The following MYBL2 variants were observed in gnomAD, a reference collection of about 807,000 sequenced individuals.
MYBL2 encodes MYB proto-oncogene like 2.
In MYBL2, 28 loss-of-function variants were observed where a neutral mutation model predicts 79.9. That is an observed-to-expected ratio of 0.35 (90% CI 0.26 to 0.48). The LOEUF (loss-of-function observed/expected upper bound fraction) is 0.48. Ranked by LOEUF, MYBL2 falls within the 20% of genes least tolerant of loss-of-function variation. The pLI is 0.99. For missense variants in MYBL2, 735 were observed against 893.9 expected, an observed-to-expected ratio of 0.82 and a Z score of 2.27; for synonymous variants, 378 against 361.2, an observed-to-expected ratio of 1.05 and a Z score of -0.53.
At chr20:43,675,136 C>T (rs1011662782) in intron 2 of MYBL2, among the ~76,000 whole-genome samples, 3 of 151,794 alleles carry the variant, frequency 2.0e-5, no homozygotes, top group Non-Finnish European at 2.9e-5. Context: ...TGCGCCACCA[C>T]GCCTGGCTAA....
chr20:43,710,179 A>G (rs1235975322), intron 10 of MYBL2, 117 bp downstream of exon 10: 3 of 778,534 alleles, frequency 3.9e-6, no homozygotes, highest in Non-Finnish European at 5.9e-6. Flanking sequence ...CTTTCTCCTG[A>G]GAAGATGCAG....
At chr20:43,671,808 G>A (rs1028660425) in intron 1 of MYBL2, among the ~76,000 whole-genome samples, 10 of 151,672 alleles carry the variant, frequency 6.6e-5, no homozygotes, top group African/African-American at 1.2e-4. Context: ...GGATAAATAC[G>A]AGGATTTTTT....
rs1235975351 is a variant in MYBL2 at position 43,674,237 on chromosome 20, T to G, written c.114+338T>G. On this transcript the variant is annotated intron_variant, in intron 2 of 13. Coordinates refer to ENST00000217026, the MANE Select transcript of MYBL2 (RefSeq NM_002466.4). ...CAAATCTGTAACTCCCCCCACCCTT[T>G]TTTTTTTTTTTTTTTTGAGACAGAG... Among the ~76,000 whole-genome samples, 145 of 123,316 alleles carry G rather than the reference T, an allele frequency of 1.2e-3. 2 individuals are homozygous for G. Among genetic ancestry groups the G allele is most frequent in the African/African-American group, 4.0e-3 (136 of 34,180 alleles). The allele number at this position is 123,316 out of a possible 152,430, so 80.9% of individuals were successfully genotyped here.
chr20:43,699,580 G>T (rs1987633896), intron 6 of MYBL2, among the ~76,000 whole-genome samples, 177 bp from the exon 7 acceptor site: 1 of 152,126 alleles, frequency 6.6e-6, no homozygotes, highest in Admixed American at 6.5e-5. Flanking sequence ...GCCTTTCTTA[G>T]TGTCATGATG....
At chr20:43,711,664 C>CCT (rs1987911239) in intron 11 of MYBL2, 63 bp downstream of exon 11, 3 of 1,438,026 alleles carry the variant, frequency 2.1e-6, no homozygotes, top group Admixed American at 4.0e-5. Context: ...ATGGGGGAGG[C>CCT]GTCTGGGGAC....
chr20:43,699,835 G>T lies in MYBL2; in HGVS notation c.742G>T (p.Ala248Ser). The change falls in exon 7 of 14, where the codon GCC becomes TCC. Residue 248 changes from alanine (A) to serine (S), a missense_variant. Transcript: ENST00000217026. ...EENSEEELAA[A>S]TTSKEQEPIG... is the part of the protein sequence containing the mutation. The stretch of plus-strand genomic sequence containing the variant: ...AAACAGTGAGGAGGAACTTGCAGCA[G>T]CCACCACATCGAAGGAACAGGAGCC... 2 of 1,614,164 alleles carry T rather than the reference G, an allele frequency of 1.2e-6. No homozygotes were observed. Among genetic ancestry groups the T allele is most frequent in the Non-Finnish European group, 1.7e-6 (2 of 1,180,032 alleles).
chr20:43,690,292 G>A (rs897202480), intron 5 of MYBL2, among the ~76,000 whole-genome samples: 1 of 151,190 alleles, frequency 6.6e-6, no homozygotes, highest in Non-Finnish European at 1.5e-5. Flanking sequence ...TGCAACCTCC[G>A]CGTCCCAGGT....
chr20:43,667,353 C>T (rs1412624779), intron 1 of MYBL2, 50 bp downstream of exon 1: 7 of 1,178,480 alleles, frequency 5.9e-6, no homozygotes, highest in Non-Finnish European at 7.5e-6. Context: ...TTTAACTCAC[C>T]CCTCCCCCAC....
At chr20:43,695,563 C>G (rs1486080221) in intron 6 of MYBL2, among the ~76,000 whole-genome samples, 1 of 152,096 alleles carries the variant, frequency 6.6e-6, no homozygotes, top group African/African-American at 2.4e-5. Context: ...GTGGGGGGAA[C>G]CCTTTTGGCT....
intron 1 of MYBL2, among the ~76,000 whole-genome samples, chr20:43,668,549 C>A (rs1381301531): frequency 6.6e-6 from 1 of 152,044 alleles, no homozygotes; most frequent in South Asian, 2.1e-4. Flanking sequence ...ATGAAGCCTT[C>A]CATCCCTCTA....
intron 5 of MYBL2, among the ~76,000 whole-genome samples, chr20:43,690,078 G>T (rs1476471462): frequency 6.6e-6 from 1 of 152,176 alleles, no homozygotes; most frequent in African/African-American, 2.4e-5. Flanking sequence ...GCCAAGGAGT[G>T]TGTGTGTTCA....
At chr20:43,686,450 T>C (rs536667779) in intron 4 of MYBL2, among the ~76,000 whole-genome samples, 25 of 152,258 alleles carry the variant, frequency 1.6e-4, no homozygotes, top group Admixed American at 6.5e-4. Flanking sequence ...TGGGAAAGTC[T>C]GTTTCCCACC....
At chr20:43,695,569 T>C (rs1388290673) in intron 6 of MYBL2, among the ~76,000 whole-genome samples, 3 of 152,122 alleles carry the variant, frequency 2.0e-5, no homozygotes, top group East Asian at 3.8e-4. Flanking sequence ...GGAACCCTTT[T>C]GGCTGAGTAT....
At chr20:43,680,255 T>A (rs1485518909) in intron 2 of MYBL2, among the ~76,000 whole-genome samples, 1 of 152,130 alleles carries the variant, frequency 6.6e-6, no homozygotes, top group Non-Finnish European at 1.5e-5. Flanking sequence ...CTCAAACTCC[T>A]GACCTCAGGT....
At chr20:43,669,867 T>C (rs1986817262) in intron 1 of MYBL2, among the ~76,000 whole-genome samples, 1 of 152,314 alleles carries the variant, frequency 6.6e-6, no homozygotes, top group South Asian at 2.1e-4. Context: ...AGCTCATGCC[T>C]GTAATCCCAG....
At position 43,692,150 on chromosome 20, in the gene MYBL2, C is replaced by T. The variant is rs748667887; in HGVS notation, c.501-7C>T. ...GGGGTTCAAAGGCCCCCTGCTGCCCCCTGCAGGACAGACAATGCTGTGAAG... is the reference window on the plus strand; with the variant it reads ...GGGGTTCAAAGGCCCCCTGCTGCCCTCTGCAGGACAGACAATGCTGTGAAG... On this transcript the variant is annotated splice_region_variant and splice_polypyrimidine_tract_variant and intron_variant, in intron 5 of 13. Coordinates refer to ENST00000217026, the MANE Select transcript of MYBL2 (RefSeq NM_002466.4). 2 of 1,613,086 alleles carry T rather than the reference C, an allele frequency of 1.2e-6. No individual in the cohort carries two copies. Among genetic ancestry groups the T allele is most frequent in the South Asian group, 2.2e-5 (2 of 90,962 alleles).
At chr20:43,683,969 C>T (rs1226724208) in intron 4 of MYBL2, among the ~76,000 whole-genome samples, 1 of 151,926 alleles carries the variant, frequency 6.6e-6, no homozygotes, top group Admixed American at 6.6e-5. Context: ...CGCTCTGTCA[C>T]CCAGGCTGGG....
rs756659573 is a variant in MYBL2 at position 43,699,796 on chromosome 20, A to G, written c.703A>G (p.Ile235Val). 76 of 1,614,004 alleles carry G rather than the reference A, an allele frequency of 4.7e-5. No homozygotes were observed. The highest frequency in any genetic ancestry group is 1.5e-4 in the Admixed American group (9 of 59,988). The change falls in exon 7 of 14, where the codon ATA becomes GTA. Residue 235 changes from isoleucine to valine, a missense_variant. Around this residue, in one of 5 missense-constraint regions of MYBL2, gnomAD observed 144 missense variants for 131.9 expected, o/e 1.09. Transcript: ENST00000217026. ...LTNWPSVPPTIKEEENSEEEL... is the reference protein window; with the variant it reads ...LTNWPSVPPTVKEEENSEEEL... ...CAACTGGCCCTCCGTCCCTCCTACCATAAAGGAGGAGGAAAACAGTGAGGA... is the reference window on the plus strand; with the variant it reads ...CAACTGGCCCTCCGTCCCTCCTACCGTAAAGGAGGAGGAAAACAGTGAGGA...
At chr20:43,695,918 G>A (rs1048902201) in intron 6 of MYBL2, among the ~76,000 whole-genome samples, 1 of 152,112 alleles carries the variant, frequency 6.6e-6, no homozygotes, top group Non-Finnish European at 1.5e-5. Context: ...GCTGAGGCAC[G>A]ATAATTGAGA....
Sources: allele counts gnomAD v4.1 joint callset (sites outside exome capture counted in the v4.1 genomes callset), GRCh38; gene constraint gnomAD v4.1.1; regional missense constraint gnomAD v4.1.1; transcripts MANE v1.5; gene names NCBI Gene and HGNC (gene_info 2026-07-23, HGNC 2026-07-21).